PRAMEF2: variants seen among roughly 807,000 people sequenced by gnomAD.
The protein encoded by PRAMEF2 is PRAME family member 2.
A neutral mutation model predicts 38.0 loss-of-function variants in PRAMEF2; 35 were observed. The ratio of observed to expected loss-of-function variants is 0.92; its 90% CI spans 0.70 to 1.22. The LOEUF (loss-of-function observed/expected upper bound fraction) is 1.22. Ranked by LOEUF, PRAMEF2 falls within the 50% of genes most tolerant of loss-of-function variation. The pLI is 0.00. For missense variants in PRAMEF2, 562 were observed against 553.9 expected, an observed-to-expected ratio of 1.01 and a Z score of -0.15; for synonymous variants, 240 against 232.4, an observed-to-expected ratio of 1.03 and a Z score of -0.30.
rs779898048 is a variant in PRAMEF2, at chr1:12,861,378, G to C, written c.1024G>C (p.Ala342Pro). ...LFRISLEPLG[A>P]LLEKIAASLE... ...CCGCATCAGTCTTGAACCCCTAGGA[G>C]CTCTGCTAGAGAAAATTGCTGCCTC... Residue 342 changes from alanine (A) to proline (P), a missense_variant, in exon 4 of 4, where the codon GCT becomes CCT. Physicochemically the swap from Ala to Pro is conservative, Grantham distance 27. Around this residue, in one of 2 missense-constraint regions of PRAMEF2, gnomAD observed 486 missense variants for 444.2 expected, o/e 1.09. Transcript: ENST00000240189. 4 of 1,605,476 alleles carry C rather than the reference G, an allele frequency of 2.5e-6. No homozygotes were observed. The South Asian group carries it at 4.4e-5, about 18-fold the overall frequency.
At position 12,859,867 on chromosome 1, in the gene PRAMEF2, C is replaced by T. The variant is rs1490228797; in HGVS notation, c.462C>T (p.Cys154=). 1.2e-6 allele frequency: 2 copies of T among 1,607,992 alleles called. No homozygotes were observed. Among genetic ancestry groups the T allele is most frequent in the South Asian group, 1.1e-5 (1 of 90,816 alleles). ...HQPLKVFIDI[C]LKEIPQDECL... is the part of the protein sequence containing the mutation. ...CCTTAAAGGTGTTCATAGACATCTG[C>T]CTCAAGGAAATACCCCAGGATGAAT... The change falls in exon 3 of 4, where the codon TGC becomes TGT. Residue 154 remains cysteine (C), a synonymous_variant. Transcript: ENST00000240189.
chr1:12,861,206 T>C lies in PRAMEF2; in HGVS notation c.867-15T>C. On this transcript the variant is annotated splice_polypyrimidine_tract_variant and intron_variant, in intron 3 of 3. Coordinates refer to ENST00000240189, the MANE Select transcript of PRAMEF2 (RefSeq NM_023014.1). ...CTGGTACCATTGCCCAGAACTAACT[T>C]CTTGATCTCCACAGGTGCCTCCAGA... 6.2e-7 allele frequency: 1 copy of C among 1,604,212 alleles called. No individual in the cohort carries two copies. The highest frequency in any genetic ancestry group is 8.5e-7 in the Non-Finnish European group (1 of 1,174,124).
In PRAMEF2 at chr1:12,861,210, G is replaced by A; in HGVS notation, c.867-11G>A. ...TACCATTGCCCAGAACTAACTTCTT[G>A]ATCTCCACAGGTGCCTCCAGAACCC... On this transcript the variant is annotated splice_polypyrimidine_tract_variant and intron_variant, in intron 3 of 3. Transcript: ENST00000240189. 2 of 1,604,700 alleles carry A rather than the reference G, an allele frequency of 1.2e-6. No homozygotes were observed. The highest frequency in any genetic ancestry group is 1.7e-6 in the Non-Finnish European group (2 of 1,174,552).
At chr1:12,858,292 T>C (rs2100387591) in intron 1 of PRAMEF2, among the ~76,000 whole-genome samples, 1 of 150,240 alleles carries the variant, frequency 6.7e-6, no homozygotes, top group South Asian at 2.1e-4. Flanking sequence ...AGTCCAACGC[T>C]GTCACCCAGG....
rs759761639 is a variant in PRAMEF2, at chr1:12,859,946, T to C, written c.541T>C (p.Cys181Arg). ...CCAAAGGAGAGGTTTAGTACACCTG[T>C]GCTGTAGTAAGCTGGTCAATTATCT... ...VYQRRGLVHL[C>R]CSKLVNYLTP... is the part of the protein sequence containing the mutation. Residue 181 changes from cysteine (C) to arginine (R), a missense_variant, in exon 3 of 4, where the codon TGC becomes CGC. Physicochemically the swap from Cys to Arg is radical, Grantham distance 180. Around this residue, in one of 2 missense-constraint regions of PRAMEF2, gnomAD observed 486 missense variants for 444.2 expected, o/e 1.09. Coordinates refer to ENST00000240189, the MANE Select transcript of PRAMEF2 (RefSeq NM_023014.1). 1.7e-5 allele frequency: 27 copies of C among 1,608,346 alleles called. No individual in the cohort carries two copies. Among genetic ancestry groups the C allele is most frequent in the South Asian group, 5.5e-5 (5 of 90,830 alleles).
At chr1:12,858,543 T>C (rs1237394376) in intron 1 of PRAMEF2, among the ~76,000 whole-genome samples, 17 of 149,968 alleles carry the variant, frequency 1.1e-4, no homozygotes, top group African/African-American at 3.9e-4. Context: ...AATAATGGCA[T>C]CGATTTTAGG....
rs1359819317 is a variant in PRAMEF2 at position 12,859,395 on chromosome 1, T to C, written c.287+99T>C. On this transcript the variant is annotated intron_variant, in intron 2 of 3. Coordinates refer to ENST00000240189, the MANE Select transcript of PRAMEF2 (RefSeq NM_023014.1). ...GTAACCCAAGTGCGGCCCAGAGTCT[T>C]CTGATGGTGTTGGCGAGGAAGCTCA... 1.1e-5 allele frequency: 17 copies of C among 1,585,502 alleles called. No homozygotes were observed. In the South Asian group the frequency reaches 1.7e-4, roughly 16 times the overall value.
Position 12,860,117 on chromosome 1 carries a change from G to C in PRAMEF2, c.712G>C (p.Val238Leu), listed in dbSNP as rs267597976. The change falls in exon 3 of 4, where the codon GTT becomes CTT. Residue 238 changes from valine (V) to leucine (L), a missense_variant. Transcript: ENST00000240189. Reference protein sequence around the residue: ...LKEMKTLCKLVFSRCHHYTSD... With the variant: ...LKEMKTLCKLLFSRCHHYTSD... The stretch of plus-strand genomic sequence containing the variant: ...GGAGATGAAGACTCTTTGCAAACTC[G>C]TTTTCTCCAGGTGCCATCATTACAC... 3 of 1,606,446 alleles carry C rather than the reference G, an allele frequency of 1.9e-6. No homozygotes were observed. The highest frequency in any genetic ancestry group is 2.7e-5 in the African/African-American group (2 of 74,350).
intron 1 of PRAMEF2, among the ~76,000 whole-genome samples, chr1:12,857,913 G>A (rs1309223987): frequency 2.0e-5 from 3 of 146,866 alleles, no homozygotes; most frequent in African/African-American, 7.6e-5. Flanking sequence ...TGGCCATGCT[G>A]GCCTCAAACT....
chr1:12,861,572 G>A lies in PRAMEF2; in HGVS notation c.1218G>A (p.Lys406=), dbSNP rs564683407. 1 of 1,604,998 alleles carries A rather than the reference G, an allele frequency of 6.2e-7. No homozygotes were observed. Among genetic ancestry groups the A allele is most frequent in the African/African-American group, 1.3e-5 (1 of 74,104 alleles). The change falls in exon 4 of 4, where the codon AAG becomes AAA. Residue 406 remains lysine (K), a synonymous_variant. Coordinates refer to ENST00000240189, the MANE Select transcript of PRAMEF2 (RefSeq NM_023014.1). Reference sequence around the variant, plus strand: ...TGCGCCACACCAGTGGGCTGAGCAAGTTAAGCCTGGAGACGTATCCTGCCC... The same window carrying A: ...TGCGCCACACCAGTGGGCTGAGCAAATTAAGCCTGGAGACGTATCCTGCCC... ...DLLRHTSGLS[K]LSLETYPAPE...
intron 3 of PRAMEF2, 52 bp downstream of exon 3, chr1:12,860,323 G>T: frequency 6.3e-7 from 1 of 1,599,206 alleles, no homozygotes. Flanking sequence ...GACTTGTTCT[G>T]TTACAGCAAA....
At chr1:12,858,886 T>G (rs1640490312) in intron 1 of PRAMEF2, 99 bp from the exon 2 acceptor site, 1 of 1,385,494 alleles carries the variant, frequency 7.2e-7, no homozygotes, top group Non-Finnish European at 9.8e-7. Context: ...AGTGGTAATT[T>G]TTCTACCTCT....
chr1:12,860,465 C>G (rs28608548), intron 3 of PRAMEF2, among the ~76,000 whole-genome samples, 194 bp downstream of exon 3: 17,464 of 149,732 alleles, frequency 0.12, 1,507 homozygotes, highest in African/African-American at 0.14. Context: ...CCAATAAGGG[C>G]AGAGGGGTCA....
At position 12,858,968 on chromosome 1, in the gene PRAMEF2, C is replaced by T; in HGVS notation, c.-25-17C>T. 1 of 1,588,402 alleles carries T rather than the reference C, an allele frequency of 6.3e-7. No homozygotes were observed. The highest frequency in any genetic ancestry group is 8.6e-7 in the Non-Finnish European group (1 of 1,168,734). ...TTGCCCTGAGAGTGATACATTCTCC[C>T]TGGATTTGTCTTCTAGAGATTTTTC... On this transcript the variant is annotated splice_polypyrimidine_tract_variant and intron_variant, in intron 1 of 3. Coordinates refer to ENST00000240189, the MANE Select transcript of PRAMEF2 (RefSeq NM_023014.1).
chr1:12,858,939 G>A (rs1640490975), intron 1 of PRAMEF2, 46 bp from the exon 2 acceptor site: 1 of 1,550,080 alleles, frequency 6.5e-7, no homozygotes, highest in Non-Finnish European at 8.7e-7. Context: ...TGAGGTGATT[G>A]TGTTTGCCCT....
chr1:12,861,479 C>A lies in PRAMEF2; in HGVS notation c.1125C>A (p.Cys375Ter), dbSNP rs397839876. 6.2e-7 allele frequency: 1 copy of A among 1,606,018 alleles called. No homozygotes were observed. The highest frequency in any genetic ancestry group is 1.3e-5 in the African/African-American group (1 of 74,160). ...GTGCCATCCTGCCTGGCCTGAGCTG[C>A]TGCTCCCAGCTCACCACCTTCTACT... ...QLSAILPGLS[C>*]CSQLTTFYFG... Residue 375 changes from cysteine to a stop codon, truncating the protein, a stop_gained, in exon 4 of 4, where the codon TGC (cysteine) becomes TGA (stop). Coordinates refer to ENST00000240189, the MANE Select transcript of PRAMEF2 (RefSeq NM_023014.1). LOFTEE classifies it high-confidence loss of function.
At chr1:12,858,570 C>T (rs1199571784) in intron 1 of PRAMEF2, among the ~76,000 whole-genome samples, 2 of 149,926 alleles carry the variant, frequency 1.3e-5, no homozygotes, top group East Asian at 3.9e-4. Flanking sequence ...CTTTAGTGTT[C>T]CCCCAGCATG....
At chr1:12,860,799 G>A (rs1224556157) in intron 3 of PRAMEF2, among the ~76,000 whole-genome samples, 5 of 149,996 alleles carry the variant, frequency 3.3e-5, no homozygotes, top group Non-Finnish European at 5.9e-5. Context: ...GGGAGTAGGC[G>A]TGAGAGTGGT....
At position 12,861,902 on chromosome 1, in the gene PRAMEF2, T is replaced by C. The variant is rs1640562920; in HGVS notation, c.*123T>C. ...CTTATTTATTTCATTTTTTAATAAT[T>C]CCAAAATTTTTATTAAAGACAATTT... On this transcript the variant is annotated 3_prime_UTR_variant, in exon 4 of 4. Coordinates refer to ENST00000240189, the MANE Select transcript of PRAMEF2 (RefSeq NM_023014.1). The C allele has an allele frequency of 7.3e-7, 1 of 1,360,896 alleles. No individual in the cohort carries two copies. Among genetic ancestry groups the C allele is most frequent in the African/African-American group, 1.5e-5 (1 of 67,338 alleles). The allele number at this position is 1,360,896 out of a possible 1,614,324, so 84.3% of individuals were successfully genotyped here.
Sources: allele counts gnomAD v4.1 joint callset (sites outside exome capture counted in the v4.1 genomes callset), GRCh38; gene constraint gnomAD v4.1.1; regional missense constraint gnomAD v4.1.1; transcripts MANE v1.5; gene names NCBI Gene and HGNC (gene_info 2026-07-23, HGNC 2026-07-21).